SUPT3H: variants seen among roughly 807,000 people sequenced by gnomAD.
SUPT3H encodes the protein SPT3 homolog, SAGA and STAGA complex component, also known as transcription initiation protein SPT3 homolog.
Under a neutral mutation model 44.3 loss-of-function variants are expected in SUPT3H, and 44 were observed. The observed-to-expected ratio is 0.99, with a 90% CI of 0.78 to 1.28. The LOEUF is 1.28. Among genes scored for constraint, SUPT3H ranks in the 50% most tolerant of loss-of-function variants. The pLI, the probability that SUPT3H is intolerant of heterozygous loss-of-function variation, is 0.00. For missense variants in SUPT3H, 380 were observed against 387.1 expected (o/e 0.98, Z 0.15); for synonymous variants, 124 against 125.6 (o/e 0.99, Z 0.09).
At chr6:45,201,128 A>AATTTTAAT (rs1279200203) in intron 2 of SUPT3H, among the ~76,000 whole-genome samples, 5 of 151,690 alleles carry the variant, frequency 3.3e-5, no homozygotes, top group African/African-American at 1.2e-4. Context: ...CATTAACCAA[A>AATTTTAAT]ATTTTAATAT....
Position 44,962,972 on chromosome 6 carries a change from C to CTATCTTGG in SUPT3H, c.505-1152_505-1145dup, listed in dbSNP as rs61574709. ...CATCCACATACTCACAAATCCAAGT[C>CTATCTTGG]TATCTTGGTTATTTACCCACTAGGT... is the stretch of plus-strand genomic sequence containing the variant. On this transcript the variant is annotated intron_variant, in intron 6 of 10. Coordinates refer to ENST00000371459, the MANE Select transcript of SUPT3H (RefSeq NM_003599.4). Among the ~76,000 whole-genome samples the CTATCTTGG allele has an allele frequency of 8.7e-3, 1,315 of 151,950 alleles. 22 individuals are homozygous for CTATCTTGG. Among genetic ancestry groups the CTATCTTGG allele is most frequent in the African/African-American group, 0.03 (1,238 of 41,434 alleles).
intron 4 of SUPT3H, among the ~76,000 whole-genome samples, chr6:45,017,486 A>G (rs1046523854): frequency 6.6e-6 from 1 of 152,040 alleles, no homozygotes; most frequent in South Asian, 2.1e-4. Flanking sequence ...TAGGTCTAAC[A>G]TTTAAGTCTT....
At chr6:45,109,705 G>A (rs553195936) in intron 2 of SUPT3H, among the ~76,000 whole-genome samples, 2 of 152,180 alleles carry the variant, frequency 1.3e-5, no homozygotes, top group African/African-American at 2.4e-5. Flanking sequence ...TGTTCTAGTC[G>A]TTTTTGGAAA....
At chr6:45,242,402 T>C (rs554401324) in intron 2 of SUPT3H, among the ~76,000 whole-genome samples, 2 of 152,168 alleles carry the variant, frequency 1.3e-5, no homozygotes, top group South Asian at 4.1e-4. Flanking sequence ...CCTTGAGGCT[T>C]TGGCTAAATA....
At chr6:45,318,287 AG>A (rs1420136977) in intron 2 of SUPT3H, among the ~76,000 whole-genome samples, 48 of 152,270 alleles carry the variant, frequency 3.2e-4, no homozygotes, top group Admixed American at 9.2e-4. Flanking sequence ...AGGTGCACAG[AG>A]GATATTTAGG....
intron 2 of SUPT3H, among the ~76,000 whole-genome samples, chr6:45,260,749 G>A (rs1002011201): frequency 2.7e-4 from 41 of 152,136 alleles, no homozygotes; most frequent in Middle Eastern, 3.4e-3. Flanking sequence ...ATCCTTACAC[G>A]AATTGCCTAT....
chr6:45,146,175 C>A (rs1199864081), intron 2 of SUPT3H, among the ~76,000 whole-genome samples: 1 of 152,002 alleles, frequency 6.6e-6, no homozygotes, highest in Non-Finnish European at 1.5e-5. Context: ...GGTATCTACC[C>A]AGAGGAAAAT....
At chr6:44,906,090 G>T (rs1766012894) in intron 10 of SUPT3H, among the ~76,000 whole-genome samples, 1 of 152,138 alleles carries the variant, frequency 6.6e-6, no homozygotes, top group African/African-American at 2.4e-5. Flanking sequence ...TGAGTTAATG[G>T]TTGCAGCACA....
intron 2 of SUPT3H, among the ~76,000 whole-genome samples, chr6:45,229,429 C>T (rs1213987172): frequency 6.6e-6 from 1 of 151,932 alleles, no homozygotes; most frequent in African/African-American, 2.4e-5. Flanking sequence ...GGAGTATGAG[C>T]CATGTATTCT....
At chr6:44,979,544 G>C (rs10948191) in intron 6 of SUPT3H, among the ~76,000 whole-genome samples, 231 of 151,720 alleles carry the variant, frequency 1.5e-3, no homozygotes, top group African/African-American at 5.1e-3. Context: ...AGTGTGTGTG[G>C]GGGGGGGAAA....
rs544099659 is a variant in SUPT3H at position 45,080,102 on chromosome 6, G to GA, written c.186+25819dup. 5.3e-5 allele frequency among the ~76,000 whole-genome samples: 8 copies of GA among 152,004 alleles called. No individual in the cohort carries two copies. The South Asian group carries it at 1.0e-3, about 20-fold the overall frequency. On this transcript the variant is annotated intron_variant, in intron 3 of 10. Transcript: ENST00000371459. Reference sequence around the variant, plus strand: ...ATAAGGAGCTCAAACAATTCAATAGGAAAAAATCTAATAATCTGATTAAAA... The same window carrying GA: ...ATAAGGAGCTCAAACAATTCAATAGGAAAAAAATCTAATAATCTGATTAAAA...
chr6:45,197,982 T>C (rs536384603), intron 2 of SUPT3H, among the ~76,000 whole-genome samples: 1 of 151,322 alleles, frequency 6.6e-6, no homozygotes, highest in African/African-American at 2.4e-5. Context: ...CTGAATACTG[T>C]TTAATAACCC....
At chr6:45,242,823 A>G (rs1270585641) in intron 2 of SUPT3H, among the ~76,000 whole-genome samples, 1 of 152,188 alleles carries the variant, frequency 6.6e-6, no homozygotes, top group Non-Finnish European at 1.5e-5. Flanking sequence ...AATAAGGCCC[A>G]TAAACAGAAG....
intron 2 of SUPT3H, among the ~76,000 whole-genome samples, chr6:45,352,228 TCTAC>T (rs1371842653): frequency 6.6e-6 from 1 of 152,194 alleles, no homozygotes; most frequent in African/African-American, 2.4e-5. Flanking sequence ...CCTTTGATCG[TCTAC>T]CTGACAATTT....
chr6:44,810,133 C>A (rs1195588527), intron 11 of SUPT3H, among the ~76,000 whole-genome samples: 1 of 152,012 alleles, frequency 6.6e-6, no homozygotes, highest in Non-Finnish European at 1.5e-5. Flanking sequence ...ACTCCAGAAT[C>A]ATGAGAAATA....
chr6:45,324,799 T>C (rs1430269212), intron 2 of SUPT3H, among the ~76,000 whole-genome samples: 1 of 151,894 alleles, frequency 6.6e-6, no homozygotes, highest in East Asian at 1.9e-4. Context: ...TAAAATAAAC[T>C]GAGAAAAATG....
rs905278815 is a variant in SUPT3H, at chr6:45,360,325, G to C, written c.101+4876C>G. Among the ~76,000 whole-genome samples the C allele has an allele frequency of 2.0e-5, 3 of 152,062 alleles. No homozygotes were observed. The East Asian group carries it at 5.8e-4, about 29-fold the overall frequency. On this transcript the variant is annotated intron_variant, in intron 2 of 10. Coordinates refer to ENST00000371459, the MANE Select transcript of SUPT3H (RefSeq NM_003599.4). Reference sequence around the variant, plus strand: ...TATGGAAGTACTCAAGAGAGTGCCTGGTACACAGCATGTTCTATACAAGCA... The same window carrying C: ...TATGGAAGTACTCAAGAGAGTGCCTCGTACACAGCATGTTCTATACAAGCA...
At chr6:45,199,946 CAG>C (rs1762217571) in intron 2 of SUPT3H, among the ~76,000 whole-genome samples, 1 of 151,286 alleles carries the variant, frequency 6.6e-6, no homozygotes, top group South Asian at 2.1e-4. Flanking sequence ...CAAGGAAAGT[CAG>C]TCAGTTTGTA....
chr6:45,043,734 TATG>T (rs1481161885), intron 3 of SUPT3H, among the ~76,000 whole-genome samples: 1 of 152,162 alleles, frequency 6.6e-6, no homozygotes, highest in African/African-American at 2.4e-5. Flanking sequence ...CACAAATAAA[TATG>T]ATCTGATTAT....
Sources: gnomAD v4.1 joint callset for allele counts (sites outside exome capture counted in the v4.1 genomes callset) on GRCh38, gnomAD v4.1.1 for gene constraint, MANE v1.5 for transcripts, NCBI Gene and HGNC (gene_info 2026-07-23, HGNC 2026-07-21) for gene names.